Variants in LONP2 observed in about 807,000 individuals in gnomAD.
LONP2 encodes lon protease homolog 2, peroxisomal.
In LONP2, 60 loss-of-function variants were observed where a neutral mutation model predicts 85.6. The observed-to-expected ratio is 0.70, with a 90% CI of 0.57 to 0.87. The LOEUF is 0.87. Among genes scored for constraint, LONP2 ranks in the 40% least tolerant of loss-of-function variants. The probability of loss-of-function intolerance (pLI) is 0.00; values close to 1 mark genes in which losing one functional copy is unlikely to be tolerated. For missense variants in LONP2, 860 were observed against 1,063.5 expected (o/e 0.81, Z 2.66); for synonymous variants, 395 against 389.7 (o/e 1.01, Z -0.16).
chr16:48,258,210 G>A (rs1029379564), intron 3 of LONP2, among the ~76,000 whole-genome samples: 7 of 152,068 alleles, frequency 4.6e-5, no homozygotes, highest in Non-Finnish European at 1.0e-4. Flanking sequence ...AGCCGGGCAT[G>A]GTGTCGGGTG....
intron 11 of LONP2, among the ~76,000 whole-genome samples, chr16:48,316,844 G>GT (rs776142189): frequency 6.6e-6 from 1 of 151,742 alleles, no homozygotes; most frequent in Non-Finnish European, 1.5e-5. Context: ...TTTTTGTTCT[G>GT]TTTTTTAGCA....
In LONP2 at chr16:48,244,521, C is replaced by A. The variant is rs1441486646; in HGVS notation, c.133C>A (p.Arg45Ser). The stretch of plus-strand genomic sequence containing the variant: ...CCGCAACCTGCAGCTGGTGCGGAGC[C>A]GCCTTCTGAAGGGCACGTCGCTGCA... ...SARNLQLVRS[R>S]LLKGTSLQST... The change falls in exon 1 of 15, where the codon CGC (arginine) becomes AGC (serine). Residue 45 changes from arginine (R) to serine (S), a missense_variant. Physicochemically the swap from Arg to Ser is moderately radical, Grantham distance 110. Coordinates refer to ENST00000285737, the MANE Select transcript of LONP2 (RefSeq NM_031490.5). 1 of 1,586,684 alleles carries A rather than the reference C, an allele frequency of 6.3e-7. No individual in the cohort carries two copies. The highest frequency in any genetic ancestry group is 2.3e-5 in the East Asian group (1 of 43,312).
chr16:48,247,755 G>A (rs1396139078), intron 1 of LONP2, among the ~76,000 whole-genome samples: 2 of 152,124 alleles, frequency 1.3e-5, no homozygotes, highest in African/African-American at 2.4e-5. Context: ...TTTCAAGATG[G>A]TCATCCAGCT....
intron 11 of LONP2, among the ~76,000 whole-genome samples, chr16:48,328,817 CCT>C (rs1242203160): frequency 1.3e-5 from 2 of 149,160 alleles, no homozygotes; most frequent in Non-Finnish European, 3.0e-5. Context: ...TACGCTCCAG[CCT>C]CTGTCTCAAA....
chr16:48,327,496 C>T (rs1056258620), intron 11 of LONP2, among the ~76,000 whole-genome samples: 20 of 152,072 alleles, frequency 1.3e-4, no homozygotes, highest in Non-Finnish European at 5.9e-5. Flanking sequence ...CTCACGTTGT[C>T]GCCCAGGTTG....
At position 48,303,219 on chromosome 16, in the gene LONP2, C is replaced by T; in HGVS notation, c.1709C>T (p.Ala570Val). The change falls in exon 11 of 15, where the codon GCC (alanine) becomes GTC (valine). Residue 570 changes from alanine to valine, a missense_variant. Transcript: ENST00000285737. Reference protein sequence around the residue: ...GVRSLDRKLGAICRAVAVKVA... With the variant: ...GVRSLDRKLGVICRAVAVKVA... ...CGTTCTCTGGATAGAAAACTTGGGG[C>T]CATTTGCCGAGCTGTGGCCGTGAAG... is the stretch of plus-strand genomic sequence containing the variant. The T allele has an allele frequency of 6.2e-7, 1 of 1,613,986 alleles. No individual in the cohort carries two copies. Among genetic ancestry groups the T allele is most frequent in the Non-Finnish European group, 8.5e-7 (1 of 1,179,994 alleles).
intron 8 of LONP2, among the ~76,000 whole-genome samples, chr16:48,284,275 A>G (rs1972390914): frequency 6.6e-6 from 1 of 152,260 alleles, no homozygotes; most frequent in Non-Finnish European, 1.5e-5. Context: ...AGAATATTAC[A>G]TAAACATAGT....
At chr16:48,296,205 C>T (rs763308590) in intron 9 of LONP2, 40 bp downstream of exon 9, 2 of 1,589,718 alleles carry the variant, frequency 1.3e-6, no homozygotes, top group Admixed American at 1.8e-5. Context: ...TCTTGCCTTT[C>T]TGACCATAAC....
At chr16:48,248,807 A>G (rs377180697) in intron 1 of LONP2, among the ~76,000 whole-genome samples, 2 of 151,020 alleles carry the variant, frequency 1.3e-5, no homozygotes, top group Admixed American at 6.6e-5. Context: ...ACTTGAGCCC[A>G]GGTGATCGAA....
Position 48,262,888 on chromosome 16 carries a change from A to G in LONP2, c.982+16A>G, listed in dbSNP as rs755910088. 3 of 1,525,742 alleles carry G rather than the reference A, an allele frequency of 2.0e-6. No individual in the cohort carries two copies. Among genetic ancestry groups the G allele is most frequent in the Admixed American group, 3.5e-5 (2 of 57,566 alleles). 94.5% of individuals were successfully genotyped at this position (1,525,742 alleles called of 1,614,324 possible). On this transcript the variant is annotated intron_variant, in intron 6 of 14. Transcript: ENST00000285737. ...AGTACAACTGGTAAGCCAAAAAATA[A>G]CACCTGTTTTGCAGTCTAATTGTCA... is the stretch of plus-strand genomic sequence containing the variant.
chr16:48,314,050 A>G (rs376016227), intron 11 of LONP2, among the ~76,000 whole-genome samples: 2 of 152,156 alleles, frequency 1.3e-5, no homozygotes, highest in African/African-American at 4.8e-5. Flanking sequence ...CATTTCTCTA[A>G]TGATCAGTGA....
chr16:48,309,979 T>C (rs1297484580), intron 11 of LONP2, among the ~76,000 whole-genome samples: 1 of 152,140 alleles, frequency 6.6e-6, no homozygotes, highest in Non-Finnish European at 1.5e-5. Context: ...ATTAATCTGG[T>C]ACTCCAGTTT....
chr16:48,258,594 A>G lies in LONP2; in HGVS notation c.601-24A>G, dbSNP rs112784785. 1.3e-3 allele frequency: 1,979 copies of G among 1,578,280 alleles called. 25 individuals are homozygous for G. In the African/African-American group the frequency reaches 0.025, roughly 20 times the overall value. ...ATTGTGTGTTTCTGAGAGAGATCCT[A>G]TTGATTGACTCACATTTCCTTAGAT... On this transcript the variant is annotated intron_variant, in intron 3 of 14. Transcript: ENST00000285737.
intron 8 of LONP2, among the ~76,000 whole-genome samples, chr16:48,294,587 G>A (rs184647260): frequency 9.1e-4 from 138 of 152,112 alleles, no homozygotes; most frequent in African/African-American, 3.1e-3. Flanking sequence ...CCAACATGGT[G>A]AAACCCCATC....
rs755154404 is a variant in LONP2, at chr16:48,351,686, G to A, written c.2443G>A (p.Val815Ile). ...EKDLEGIPGN[V>I]RQDLSFVTAS... ...AGACCTTGAGGGAATCCCAGGCAAC[G>A]TACGACAGGATTTAAGTTTTGTCAC... Residue 815 changes from valine to isoleucine, a missense_variant, in exon 15 of 15, where the codon GTA becomes ATA. Physicochemically the swap from Val to Ile is conservative, Grantham distance 29 (BLOSUM62 3). This residue lies in a region of LONP2 where 115 missense variants were observed against 129.0 expected (regional missense o/e 0.89). Coordinates refer to ENST00000285737, the MANE Select transcript of LONP2 (RefSeq NM_031490.5). 9.9e-6 allele frequency: 16 copies of A among 1,614,162 alleles called. No individual in the cohort carries two copies. Among genetic ancestry groups the A allele is most frequent in the East Asian group, 2.2e-5 (1 of 44,882 alleles).
At chr16:48,343,372 A>G (rs1039001948) in intron 12 of LONP2, among the ~76,000 whole-genome samples, 13 of 152,178 alleles carry the variant, frequency 8.5e-5, no homozygotes, top group Admixed American at 5.9e-4. Context: ...GATACTCCAA[A>G]TGTTCTTTAA....
chr16:48,273,053 C>T (rs1293648349), intron 7 of LONP2, among the ~76,000 whole-genome samples: 2 of 152,134 alleles, frequency 1.3e-5, no homozygotes, highest in Non-Finnish European at 2.9e-5. Flanking sequence ...CAGGTCTTGA[C>T]GTTTGAGTAC....
rs527319828 is a variant in LONP2 at position 48,256,590 on chromosome 16, A to G, written c.469-20A>G. 173 of 1,606,956 alleles carry G rather than the reference A, an allele frequency of 1.1e-4. 2 individuals carry two copies. The South Asian group carries it at 1.9e-3, about 17-fold the overall frequency. On this transcript the variant is annotated intron_variant, in intron 2 of 14. Transcript: ENST00000285737. ...AATAATGCCAGATTTCATTTAAAAG[A>G]CTTTTTTTCCCCCTTCTAGTTGGTT...
intron 7 of LONP2, among the ~76,000 whole-genome samples, chr16:48,271,062 C>T (rs925446423): frequency 2.0e-5 from 3 of 152,044 alleles, no homozygotes; most frequent in African/African-American, 4.8e-5. Context: ...CACCTGTGGT[C>T]CCAGCTACTC....
Sources: gnomAD v4.1 joint callset for allele counts (sites outside exome capture counted in the v4.1 genomes callset) on GRCh38, gnomAD v4.1.1 for gene constraint, gnomAD v4.1.1 regional missense constraint, MANE v1.5 for transcripts, NCBI Gene and HGNC (gene_info 2026-07-23, HGNC 2026-07-21) for gene names.